The following BNC2 variants were observed in gnomAD, a reference collection of about 807,000 sequenced individuals.
The protein encoded by BNC2 is basonuclin zinc finger protein 2, also known as zinc finger protein basonuclin-2.
A neutral mutation model predicts 76.3 loss-of-function variants in BNC2; 20 were observed. The ratio of observed to expected loss-of-function variants is 0.26; its 90% CI spans 0.18 to 0.38. BNC2 has a LOEUF of 0.38. Ranked by LOEUF, BNC2 falls within the 10% of genes least tolerant of loss-of-function variation. The pLI, the probability that BNC2 is intolerant of heterozygous loss-of-function variation, is 1.00. For missense variants in BNC2, 1,382 were observed against 1,399.8 expected (o/e 0.99, Z 0.20); for synonymous variants, 582 against 514.8 (o/e 1.13, Z -1.77).
intron 1 of BNC2, among the ~76,000 whole-genome samples, chr9:16,754,866 C>T (rs1407476630): frequency 2.0e-5 from 3 of 152,152 alleles, no homozygotes; most frequent in African/African-American, 7.2e-5. Flanking sequence ...CCCCAGCCAT[C>T]TTGTTTTCAA....
chr9:16,723,899 G>A (rs1824239841), intron 3 of BNC2, among the ~76,000 whole-genome samples: 1 of 151,998 alleles, frequency 6.6e-6, no homozygotes, highest in African/African-American at 2.4e-5. Flanking sequence ...AATAATATTT[G>A]CATGAAGTTA....
chr9:16,711,144 G>T (rs1299424839), intron 3 of BNC2, among the ~76,000 whole-genome samples: 1 of 152,120 alleles, frequency 6.6e-6, no homozygotes, highest in Non-Finnish European at 1.5e-5. Context: ...ACAGCTGTGT[G>T]GCAAGGGGAA....
intron 3 of BNC2, among the ~76,000 whole-genome samples, chr9:16,595,692 G>GA (rs933252822): frequency 6.6e-6 from 1 of 151,670 alleles, no homozygotes; most frequent in Non-Finnish European, 1.5e-5. Context: ...CTAGTATGCT[G>GA]AAAAAAAATT....
At chr9:16,848,085 T>C (rs1181422636) in intron 1 of BNC2, among the ~76,000 whole-genome samples, 1 of 152,228 alleles carries the variant, frequency 6.6e-6, no homozygotes, top group Non-Finnish European at 1.5e-5. Context: ...ATATTCTAAT[T>C]AGGAAACATC....
chr9:16,577,165 T>C (rs1363632450), intron 4 of BNC2, among the ~76,000 whole-genome samples: 1 of 152,212 alleles, frequency 6.6e-6, no homozygotes, highest in Non-Finnish European at 1.5e-5. Context: ...TAAAGGACTC[T>C]CACCTAAATT....
chr9:16,609,398 G>A (rs1820476527), intron 3 of BNC2, among the ~76,000 whole-genome samples: 1 of 152,156 alleles, frequency 6.6e-6, no homozygotes, highest in South Asian at 2.1e-4. Context: ...CTTGCTTCAT[G>A]GAGGTGAACT....
At chr9:16,473,164 C>G (rs1397885745) in intron 5 of BNC2, 4 of 152,226 alleles carry the variant, frequency 2.6e-5, no homozygotes, top group Non-Finnish European at 5.9e-5. Flanking sequence ...ACAGTGGAAC[C>G]TTACATCTCT....
rs1396721491 is a variant in BNC2, at chr9:16,436,038, T to C, written c.2156A>G (p.Glu719Gly). The change falls in exon 6 of 7, where the codon GAG becomes GGG. Residue 719 changes from glutamate to glycine, a missense_variant. Physicochemically the swap from Glu to Gly is moderately conservative, Grantham distance 98 (BLOSUM62 -2). This residue lies in a region of BNC2 where 798 missense variants were observed against 775.5 expected (regional missense o/e 1.03). Coordinates refer to ENST00000380672, the MANE Select transcript of BNC2 (RefSeq NM_017637.6). ...DSMTSEDQEP[E>G]RDYENESESS... ...CTCAGACTCGTTCTCATAGTCCCGC[T>C]CAGGTTCTTGGTCTTCAGAAGTCAT... 1 of 1,614,174 alleles carries C rather than the reference T, an allele frequency of 6.2e-7. No individual in the cohort carries two copies. The highest frequency in any genetic ancestry group is 1.1e-5 in the South Asian group (1 of 91,080).
intron 5 of BNC2, among the ~76,000 whole-genome samples, chr9:16,492,538 C>A (rs1822300150): frequency 6.6e-6 from 1 of 152,088 alleles, no homozygotes; most frequent in Admixed American, 6.5e-5. Flanking sequence ...TTCTTTAAAG[C>A]AACAAAAGCC....
At chr9:16,820,323 G>A (rs1380515466) in intron 1 of BNC2, among the ~76,000 whole-genome samples, 1 of 151,896 alleles carries the variant, frequency 6.6e-6, no homozygotes, top group Non-Finnish European at 1.5e-5. Flanking sequence ...CTACTCAGGA[G>A]GCTGAGGCAG....
At chr9:16,659,155 G>A (rs930391656) in intron 3 of BNC2, among the ~76,000 whole-genome samples, 1 of 149,720 alleles carries the variant, frequency 6.7e-6, no homozygotes, top group Non-Finnish European at 1.5e-5. Context: ...GGCGGGGGGG[G>A]GCATGTGAAT....
chr9:16,603,754 G>GT (rs1352292334), intron 3 of BNC2, among the ~76,000 whole-genome samples: 5 of 152,078 alleles, frequency 3.3e-5, no homozygotes, highest in African/African-American at 1.2e-4. Flanking sequence ...CAAACCTGCT[G>GT]TTAGTATTTC....
intron 3 of BNC2, among the ~76,000 whole-genome samples, chr9:16,663,347 C>G (rs1195913337): frequency 6.6e-6 from 1 of 151,968 alleles, no homozygotes; most frequent in African/African-American, 2.4e-5. Context: ...TGGGGCTCGT[C>G]TCAAACTCCT....
At chr9:16,682,030 G>GA (rs1007693084) in intron 3 of BNC2, among the ~76,000 whole-genome samples, 11 of 147,816 alleles carry the variant, frequency 7.4e-5, no homozygotes, top group South Asian at 2.1e-4. Flanking sequence ...ATTTGGAACA[G>GA]AAAAAAAAAA....
intron 3 of BNC2, among the ~76,000 whole-genome samples, chr9:16,660,097 T>C (rs776896023): frequency 6.6e-6 from 1 of 152,256 alleles, no homozygotes; most frequent in South Asian, 2.1e-4. Context: ...TGTTCTCCAA[T>C]TGTACTATTT....
At chr9:16,865,642 CA>C (rs1586946720) in intron 1 of BNC2, among the ~76,000 whole-genome samples, 10 of 151,528 alleles carry the variant, frequency 6.6e-5, no homozygotes, top group Admixed American at 6.6e-4. Flanking sequence ...TTTAAATCAC[CA>C]AGAGAAAAAT....
intron 3 of BNC2, among the ~76,000 whole-genome samples, chr9:16,701,757 C>T (rs2134583302): frequency 6.6e-6 from 1 of 151,788 alleles, no homozygotes; most frequent in South Asian, 2.1e-4. Flanking sequence ...GCCTGGCCAA[C>T]AAGGTGAAAC....
chr9:16,751,610 ATATATGTGTATATATATATGTATG>A (rs1280704383), intron 1 of BNC2, among the ~76,000 whole-genome samples: 8 of 20,542 alleles, frequency 3.9e-4, no homozygotes, highest in East Asian at 5.0e-3. Context: ...GCACAAATAT[ATATATGTGTATATATATATGTATG>A]TATATATGTA....
At chr9:16,725,884 T>C (rs962111544) in intron 3 of BNC2, among the ~76,000 whole-genome samples, 1 of 152,214 alleles carries the variant, frequency 6.6e-6, no homozygotes, top group East Asian at 1.9e-4. Flanking sequence ...TCTAACACCA[T>C]CTATGTGGTT....
Sources: allele counts gnomAD v4.1 joint callset (sites outside exome capture counted in the v4.1 genomes callset), GRCh38; gene constraint gnomAD v4.1.1; regional missense constraint gnomAD v4.1.1; transcripts MANE v1.5; gene names NCBI Gene and HGNC (gene_info 2026-07-23, HGNC 2026-07-21).